Variants in DIDO1 observed in about 807,000 individuals in gnomAD.
DIDO1 encodes the protein death-inducer obliterator 1.
DIDO1 carries 16 observed loss-of-function variants against 99.4 expected under a neutral mutation model. The ratio of observed to expected loss-of-function variants is 0.16; its 90% CI spans 0.11 to 0.24. The LOEUF is 0.24. Ranked by LOEUF, DIDO1 falls within the 10% of genes least tolerant of loss-of-function variation. DIDO1 has a pLI of 1.00. For synonymous variants in DIDO1, 1,366 were observed against 1,239.1 expected (o/e 1.10, Z -2.15); for missense variants, 2,996 against 3,014.0 (o/e 0.99, Z 0.14).
At chr20:62,892,637 G>A (rs1299798344) in intron 13 of DIDO1, among the ~76,000 whole-genome samples, 172 bp downstream of exon 13, 4 of 152,188 alleles carry the variant, frequency 2.6e-5, no homozygotes, top group Non-Finnish European at 2.9e-5. Flanking sequence ...CACGGCCATC[G>A]CCACTTTGCA....
In DIDO1 at chr20:62,894,563, GA is replaced by G. The variant is rs201521681; in HGVS notation, c.2437-16del. On this transcript the variant is annotated splice_polypyrimidine_tract_variant and intron_variant, in intron 10 of 15. Coordinates refer to ENST00000395343, the MANE Select transcript of DIDO1 (RefSeq NM_001193369.2). The surrounding 1 kb of genome is among the most constrained non-coding windows in gnomAD (Gnocchi z 4.4). ...TCTTGCTGTTCCTAAAAAAGAAAAAGAAAAAAAAGTGAGGTCGTTTCTTCTC... is the reference window on the plus strand; with the variant it reads ...TCTTGCTGTTCCTAAAAAAGAAAAAGAAAAAAAGTGAGGTCGTTTCTTCTC... The G allele has an allele frequency of 0.016, 25,859 of 1,593,468 alleles. 281 individuals carry two copies. The highest frequency in any genetic ancestry group is 0.041 in the South Asian group (3,624 of 89,374).
intron 5 of DIDO1, 27 bp from the exon 6 acceptor site, chr20:62,906,127 A>C: frequency 6.3e-7 from 1 of 1,591,296 alleles, no homozygotes; most frequent in Non-Finnish European, 8.5e-7. Flanking sequence ...ACCCCAAATC[A>C]TTAAAAAGGT....
chr20:62,919,941 G>A (rs981655435), intron 1 of DIDO1, among the ~76,000 whole-genome samples: 1 of 152,242 alleles, frequency 6.6e-6, no homozygotes, highest in Non-Finnish European at 1.5e-5. Flanking sequence ...GAGGTTTATT[G>A]TTCTCTATTT....
At chr20:62,883,895 C>T (rs761125392) in intron 15 of DIDO1, among the ~76,000 whole-genome samples, 6 of 152,134 alleles carry the variant, frequency 3.9e-5, no homozygotes, top group South Asian at 2.1e-4. Context: ...GTCCCAGCTA[C>T]TCAGGAGGCT....
intron 8 of DIDO1, among the ~76,000 whole-genome samples, chr20:62,895,666 C>G (rs1003533070): frequency 6.6e-6 from 1 of 152,202 alleles, no homozygotes; most frequent in African/African-American, 2.4e-5. Context: ...GAGAACACCA[C>G]AAGGCTGTCA....
In DIDO1 at chr20:62,879,256, C is replaced by T. The variant is rs1568817449; in HGVS notation, c.6700G>A (p.Ala2234Thr). Residue 2234 changes from alanine to threonine, a missense_variant, in exon 16 of 16, where the codon GCT (alanine) becomes ACT (threonine). This residue lies in a region of DIDO1 where 1,562 missense variants were observed against 1,412.6 expected (regional missense o/e 1.11). Transcript: ENST00000395343. This position sits in a 1 kb window ranked among gnomAD's most constrained non-coding sequence, Gnocchi z 6.3. ...PKPEASRASD[A>T]GTASQA ...GTCTAGGCCTGCGAGGCGGTGCCAG[C>T]GTCGGAGGCCCTCGAGGCCTCGGGC... The T allele has an allele frequency of 1.3e-6, 2 of 1,545,452 alleles. No individual in the cohort carries two copies. The highest frequency in any genetic ancestry group is 1.4e-5 in the African/African-American group (1 of 72,350).
intron 15 of DIDO1, chr20:62,887,681 TA>T: frequency 1.0e-6 from 1 of 985,232 alleles, no homozygotes. Flanking sequence ...TCCAGTCCTG[TA>T]AGGGCCCTGC....
chr20:62,930,943 GTGT>G (rs1347518067), upstream of DIDO1, among the ~76,000 whole-genome samples: 11 of 152,298 alleles, frequency 7.2e-5, no homozygotes, highest in Non-Finnish European at 1.3e-4. Flanking sequence ...GCTGCAGTTT[GTGT>G]TGTTGTTTTC....
At chr20:62,903,674 A>G (rs889461980) in intron 6 of DIDO1, among the ~76,000 whole-genome samples, 2 of 152,224 alleles carry the variant, frequency 1.3e-5, no homozygotes, top group Non-Finnish European at 2.9e-5. Context: ...CATTTACGGG[A>G]TAACAAAACG....
At chr20:62,892,140 G>T in intron 13 of DIDO1, 64 bp from the exon 14 acceptor site, 2 of 1,380,228 alleles carry the variant, frequency 1.4e-6, no homozygotes, top group Non-Finnish European at 2.0e-6. Flanking sequence ...GACGAATGCA[G>T]CCATGTGAAG....
chr20:62,888,066 C>A (rs777857406), intron 15 of DIDO1: 56 of 985,462 alleles, frequency 5.7e-5, no homozygotes, highest in Non-Finnish European at 6.3e-5. Context: ...CACTGCCCGA[C>A]AAGGGCCAAG....
intron 15 of DIDO1, among the ~76,000 whole-genome samples, chr20:62,882,711 G>C (rs2064233112): frequency 6.6e-6 from 1 of 152,078 alleles, no homozygotes; most frequent in African/African-American, 2.4e-5. Flanking sequence ...GGAACCGAAG[G>C]CCCAATCCAC....
intron 1 of DIDO1, among the ~76,000 whole-genome samples, chr20:62,937,139 C>T (rs1038590933): frequency 7.9e-5 from 12 of 152,222 alleles, no homozygotes; most frequent in African/African-American, 2.7e-4. Flanking sequence ...ACCACCTCAC[C>T]CCTGACTTCA....
At chr20:62,906,267 G>A (rs1001523995) in intron 5 of DIDO1, among the ~76,000 whole-genome samples, 167 bp from the exon 6 acceptor site, 4 of 152,000 alleles carry the variant, frequency 2.6e-5, no homozygotes, top group South Asian at 2.1e-4. Context: ...TTGCGTATTC[G>A]GTGGGCCCGC....
intron 15 of DIDO1, chr20:62,889,318 G>T: frequency 1.0e-6 from 1 of 985,490 alleles, no homozygotes. Context: ...TCACTGCCCA[G>T]TGTGGGGAAC....
chr20:62,880,349 C>T lies in DIDO1; in HGVS notation c.5607G>A (p.Gln1869=). 2 of 1,612,882 alleles carry T rather than the reference C, an allele frequency of 1.2e-6. No individual in the cohort carries two copies. Among genetic ancestry groups the T allele is most frequent in the Non-Finnish European group, 1.7e-6 (2 of 1,180,012 alleles). ...PYNEVTGAPA[Q]FEGTEQAPFL... ...ATGGGGCTTGCTCTGTCCCTTCAAA[C>T]TGGGCGGGGGCGCCCGTCACCTCGT... The change falls in exon 16 of 16, where the codon CAG becomes CAA. Residue 1869 remains glutamine (Q), a synonymous_variant. Transcript: ENST00000395343.
At chr20:62,887,872 C>T (rs1311252483) in intron 15 of DIDO1, 1 of 985,466 alleles carries the variant, frequency 1.0e-6, no homozygotes, top group Non-Finnish European at 1.2e-6. Flanking sequence ...CTCCCAGCTG[C>T]CCCCCACCGT....
chr20:62,893,578 A>G, intron 12 of DIDO1, 88 bp downstream of exon 12: 2 of 1,427,356 alleles, frequency 1.4e-6, no homozygotes, highest in Non-Finnish European at 1.9e-6. Context: ...TACATTTCCA[A>G]GTTCAACTAT....
chr20:62,911,011 A>C lies in DIDO1; in HGVS notation c.602T>G (p.Val201Gly), dbSNP rs747859546. 2 of 1,613,024 alleles carry C rather than the reference A, an allele frequency of 1.2e-6. No homozygotes were observed. Among genetic ancestry groups the C allele is most frequent in the Non-Finnish European group, 1.7e-6 (2 of 1,179,714 alleles). Reference protein sequence around the residue: ...KRREEGPAETVGSEASDTVEG... With the variant: ...KRREEGPAETGGSEASDTVEG... ...CACAGTGTCACTGGCCTCGGAGCCC[A>C]CAGTCTCGGCGGGACCCTCCTCCCG... The change falls in exon 3 of 16, where the codon GTG (valine) becomes GGG (glycine). Residue 201 changes from valine to glycine, a missense_variant. Val to Gly is a moderately radical substitution (Grantham distance 109). Coordinates refer to ENST00000395343, the MANE Select transcript of DIDO1 (RefSeq NM_001193369.2). This position sits in a 1 kb window ranked among gnomAD's most constrained non-coding sequence, Gnocchi z 7.0.
Sources: gnomAD v4.1 joint callset for allele counts (sites outside exome capture counted in the v4.1 genomes callset) on GRCh38, gnomAD v4.1.1 for gene constraint, gnomAD v4.1.1 regional missense constraint, Gnocchi (gnomAD v3.1) non-coding constraint, MANE v1.5 for transcripts, NCBI Gene and HGNC (gene_info 2026-07-23, HGNC 2026-07-21) for gene names.